The following ZNF710 variants were observed in gnomAD, a reference collection of about 807,000 sequenced individuals.
ZNF710 encodes zinc finger protein 710.
A neutral mutation model predicts 50.6 loss-of-function variants in ZNF710; 13 were observed. The observed-to-expected ratio is 0.26, with a 90% CI of 0.17 to 0.41. The LOEUF (loss-of-function observed/expected upper bound fraction) is 0.41, where lower values mean the gene tolerates loss of function less well. Ranked by LOEUF, ZNF710 falls within the 10% of genes least tolerant of loss-of-function variation. ZNF710 has a pLI of 1.00. For missense variants in ZNF710, 721 were observed against 936.6 expected, an observed-to-expected ratio of 0.77 and a Z score of 3.01; for synonymous variants, 383 against 397.0, an observed-to-expected ratio of 0.96 and a Z score of 0.42.
chr15:90,065,361 G>A (rs1028398961), intron 1 of ZNF710, among the ~76,000 whole-genome samples: 1 of 152,214 alleles, frequency 6.6e-6, no homozygotes, highest in Non-Finnish European at 1.5e-5. Flanking sequence ...GGCGAGAGTC[G>A]CCCCAGTAAT....
At chr15:90,050,956 G>T (rs1487799848) in intron 1 of ZNF710, among the ~76,000 whole-genome samples, 3 of 152,164 alleles carry the variant, frequency 2.0e-5, no homozygotes, top group Non-Finnish European at 4.4e-5. Context: ...CAATTGCACA[G>T]GCTGGGGCAC....
At chr15:90,031,225 C>G (rs561211430) in intron 1 of ZNF710, among the ~76,000 whole-genome samples, 3 of 152,046 alleles carry the variant, frequency 2.0e-5, no homozygotes, top group Admixed American at 2.0e-4. Flanking sequence ...TTTAATCCAA[C>G]ACATTGATTG....
intron 1 of ZNF710, among the ~76,000 whole-genome samples, chr15:90,009,626 T>C (rs1189813500): frequency 1.3e-5 from 2 of 152,034 alleles, no homozygotes; most frequent in East Asian, 3.9e-4. Context: ...CCTGGCTTCC[T>C]CCCTAGGTCT....
intron 1 of ZNF710, among the ~76,000 whole-genome samples, chr15:90,050,338 A>G (rs540308864): frequency 9.9e-5 from 15 of 152,246 alleles, no homozygotes; most frequent in African/African-American, 3.6e-4. Context: ...TGCCCAGGCC[A>G]TACTCTTCAC....
chr15:90,032,323 G>A (rs1018029785), intron 1 of ZNF710, among the ~76,000 whole-genome samples: 3 of 152,116 alleles, frequency 2.0e-5, no homozygotes, highest in South Asian at 4.2e-4. Flanking sequence ...TTAACAGAAC[G>A]TTCTCTTTCA....
chr15:90,055,148 T>C (rs921776609), intron 1 of ZNF710, among the ~76,000 whole-genome samples: 2 of 152,142 alleles, frequency 1.3e-5, no homozygotes, highest in African/African-American at 4.8e-5. Flanking sequence ...AAATAAATCA[T>C]TAACAAATCA....
At chr15:90,030,292 G>A (rs957666902) in intron 1 of ZNF710, among the ~76,000 whole-genome samples, 1 of 121,302 alleles carries the variant, frequency 8.2e-6, no homozygotes, top group African/African-American at 3.3e-5. Flanking sequence ...TCACGCCATT[G>A]CATTCCGGCC....
At chr15:90,025,392 A>G (rs1321414477) in intron 1 of ZNF710, 1 of 152,224 alleles carries the variant, frequency 6.6e-6, no homozygotes, top group Non-Finnish European at 1.5e-5. Context: ...TATTATTAAA[A>G]TAGTCAACCT....
At chr15:90,010,379 C>A (rs1898265313) in intron 1 of ZNF710, among the ~76,000 whole-genome samples, 1 of 152,198 alleles carries the variant, frequency 6.6e-6, no homozygotes, top group Admixed American at 6.5e-5. Context: ...ACCTCCGCCT[C>A]CTAGGCTCAA....
chr15:90,030,233 G>T (rs1898892684), intron 1 of ZNF710, among the ~76,000 whole-genome samples: 2 of 141,850 alleles, frequency 1.4e-5, no homozygotes, highest in Admixed American at 1.5e-4. Flanking sequence ...GGAGGCTGAG[G>T]CAGGAAAATC....
At position 90,080,765 on chromosome 15, in the gene ZNF710, G is replaced by C. The variant is rs1370022521; in HGVS notation, c.*936G>C. On this transcript the variant is annotated 3_prime_UTR_variant, in exon 5 of 5. Coordinates refer to ENST00000268154, the MANE Select transcript of ZNF710 (RefSeq NM_198526.4). ...TTGCGACGGGGATAGCCACGAGTCA[G>C]CAGCTTCCCGGAAAGAGCAACGTAT... is the stretch of plus-strand genomic sequence containing the variant. 1 of 152,234 alleles carries C rather than the reference G, an allele frequency of 6.6e-6. No homozygotes were observed. The highest frequency in any genetic ancestry group is 1.5e-5 in the Non-Finnish European group (1 of 68,060). The allele number at this position is 152,234 out of a possible 1,614,324, so 9.4% of individuals were successfully genotyped here.
intron 1 of ZNF710, among the ~76,000 whole-genome samples, chr15:90,052,768 T>G (rs1280556063): frequency 6.6e-6 from 1 of 152,050 alleles, no homozygotes; most frequent in Non-Finnish European, 1.5e-5. Flanking sequence ...CCATTTCTAC[T>G]AAAAATACAA....
At chr15:90,010,514 T>C (rs961093597) in intron 1 of ZNF710, among the ~76,000 whole-genome samples, 1 of 152,152 alleles carries the variant, frequency 6.6e-6, no homozygotes, top group Non-Finnish European at 1.5e-5. Flanking sequence ...CAGGCTGGTC[T>C]TGAACCCTGA....
intron 1 of ZNF710, among the ~76,000 whole-genome samples, chr15:90,010,585 C>T (rs911218979): frequency 1.3e-5 from 2 of 152,084 alleles, no homozygotes; most frequent in South Asian, 2.1e-4. Flanking sequence ...TGAGCCACCG[C>T]ACCTGGCCAA....
chr15:90,018,339 T>G (rs144748783), intron 1 of ZNF710, among the ~76,000 whole-genome samples: 2,246 of 152,178 alleles, frequency 0.015, 56 homozygotes, highest in African/African-American at 0.051. Flanking sequence ...CAGCTACTTT[T>G]TGTATTTTTA....
chr15:90,052,865 G>A (rs942958614), intron 1 of ZNF710, among the ~76,000 whole-genome samples: 10 of 152,284 alleles, frequency 6.6e-5, no homozygotes, highest in East Asian at 1.9e-4. Context: ...CCGGGGAGGC[G>A]GAGGTTGCGG....
At position 90,067,887 on chromosome 15, in the gene ZNF710, G is replaced by A; in HGVS notation, c.750G>A (p.Glu250=). Residue 250 remains glutamate, a synonymous_variant, in exon 2 of 5, where the codon GAG becomes GAA. Transcript: ENST00000268154. This position sits in a 1 kb window ranked among gnomAD's most constrained non-coding sequence, Gnocchi z 8.1. ...CGGAACAGGGCTTCGTGTGGCAGGA[G>A]GCCAGTGAGTTCGAGGCTGACACGG... ...VKPEQGFVWQ[E]ASEFEADTAG... 12 of 1,611,632 alleles carry A rather than the reference G, an allele frequency of 7.4e-6. No homozygotes were observed. Among genetic ancestry groups the A allele is most frequent in the African/African-American group, 5.3e-5 (4 of 75,034 alleles).
intron 3 of ZNF710, among the ~76,000 whole-genome samples, chr15:90,073,595 G>A (rs1900470858): frequency 6.6e-6 from 1 of 152,188 alleles, no homozygotes; most frequent in African/African-American, 2.4e-5. Flanking sequence ...AAGTGGGGCA[G>A]ACTCACAGGA....
At chr15:90,021,890 A>C (rs1446484736) in intron 1 of ZNF710, among the ~76,000 whole-genome samples, 1 of 152,118 alleles carries the variant, frequency 6.6e-6, no homozygotes, top group Non-Finnish European at 1.5e-5. Flanking sequence ...GTTCAAGACC[A>C]GGTGAACATA....
Sources: allele counts gnomAD v4.1 joint callset (sites outside exome capture counted in the v4.1 genomes callset), GRCh38; gene constraint gnomAD v4.1.1; non-coding constraint Gnocchi (gnomAD v3.1); transcripts MANE v1.5; gene names NCBI Gene and HGNC (gene_info 2026-07-23, HGNC 2026-07-21).